The following SOX6 variants were observed in gnomAD, a reference collection of about 807,000 sequenced individuals.
SOX6 encodes transcription factor SOX-6.
Under a neutral mutation model 97.8 loss-of-function variants are expected in SOX6, and 11 were observed. That is an observed-to-expected ratio of 0.11 (90% confidence interval 0.07 to 0.19). SOX6 has a LOEUF of 0.19. Ranked by LOEUF, SOX6 falls within the 10% of genes least tolerant of loss-of-function variation. The pLI is 1.00. For missense variants in SOX6, 810 were observed against 1,039.5 expected (o/e 0.78, Z 3.04); for synonymous variants, 360 against 371.4 (o/e 0.97, Z 0.35).
chr11:16,337,126 G>C (rs1485949733), intron 2 of SOX6, among the ~76,000 whole-genome samples: 1 of 151,936 alleles, frequency 6.6e-6, no homozygotes, highest in African/African-American at 2.4e-5. Flanking sequence ...CTTGTGCCTG[G>C]AACTTTAGTA....
At chr11:16,705,613 CAAAATCCCACCTCTAGGGGGAAAAA>C (rs558980990) in intron 3 of SOX6, among the ~76,000 whole-genome samples, 41 of 150,420 alleles carry the variant, frequency 2.7e-4, no homozygotes, top group African/African-American at 9.9e-4. Context: ...GACAACAGAG[CAAAATCCCACCTCTAGGGGGAAAAA>C]AAACTATGTT....
chr11:16,571,967 T>C (rs1256343062), intron 4 of SOX6, among the ~76,000 whole-genome samples: 1 of 152,254 alleles, frequency 6.6e-6, no homozygotes, highest in South Asian at 2.1e-4. Flanking sequence ...ATTCAGTTTT[T>C]TTAAACAACT....
intron 4 of SOX6, among the ~76,000 whole-genome samples, chr11:16,574,499 G>A (rs1267354313): frequency 1.3e-5 from 2 of 151,988 alleles, no homozygotes; most frequent in African/African-American, 4.8e-5. Flanking sequence ...TGTATTCAAG[G>A]TCAATTGAAA....
At chr11:16,427,768 T>C (rs900284415) in intron 1 of SOX6, among the ~76,000 whole-genome samples, 15 of 152,222 alleles carry the variant, frequency 9.9e-5, no homozygotes, top group African/African-American at 3.1e-4. Context: ...TTTGCTATTG[T>C]GAATAGTGCC....
chr11:16,259,985 A>G (rs1853830486), intron 3 of SOX6, among the ~76,000 whole-genome samples: 1 of 134,088 alleles, frequency 7.5e-6, no homozygotes, highest in Non-Finnish European at 1.6e-5. Context: ...ATATATACAC[A>G]TATACATATA....
At chr11:16,154,079 G>A (rs535368718) in intron 6 of SOX6, among the ~76,000 whole-genome samples, 23 of 152,192 alleles carry the variant, frequency 1.5e-4, no homozygotes, top group African/African-American at 5.3e-4. Context: ...TCATTACAGT[G>A]GCTGGATACC....
chr11:16,328,158 G>A (rs1236218947), intron 2 of SOX6, among the ~76,000 whole-genome samples: 1 of 152,014 alleles, frequency 6.6e-6, no homozygotes, highest in East Asian at 1.9e-4. Flanking sequence ...ACAAACTTCT[G>A]CTTCTTTAGA....
chr11:16,390,674 C>G (rs1858146102), intron 1 of SOX6, among the ~76,000 whole-genome samples: 1 of 152,148 alleles, frequency 6.6e-6, no homozygotes, highest in Non-Finnish European at 1.5e-5. Context: ...CCATGAAAAC[C>G]TTCCCTGACT....
intron 3 of SOX6, chr11:16,316,921 A>G (rs1221891465): frequency 6.6e-6 from 1 of 151,948 alleles, no homozygotes; most frequent in East Asian, 1.9e-4. Context: ...TCTCAGCAAC[A>G]CCTCCAGAAC....
intron 12 of SOX6, among the ~76,000 whole-genome samples, chr11:16,036,851 A>G (rs554274659): frequency 6.6e-6 from 1 of 152,324 alleles, no homozygotes; most frequent in East Asian, 1.9e-4. Flanking sequence ...ATCTAAAAAT[A>G]AGAACTTAGA....
chr11:16,663,955 C>CAGT lies in SOX6; in HGVS notation n.429+50872_429+50874dup, dbSNP rs539370910. ...TATTGACTTAAGATCAATATAGAGT[C>CAGT]AGTAGATGGAGCAAAATGGGTGAAT... On this transcript the variant is annotated intron_variant and non_coding_transcript_variant, in intron 3 of 5. Transcript: ENST00000524520. Among the ~76,000 whole-genome samples the CAGT allele has an allele frequency of 9.7e-4, 148 of 152,028 alleles. 1 individual carries two copies. Among genetic ancestry groups the CAGT allele is most frequent in the Non-Finnish European group, 1.3e-3 (91 of 68,002 alleles).
At position 16,173,241 on chromosome 11, in the gene SOX6, T is replaced by C. The variant is rs1263412365; in HGVS notation, c.777+10645A>G. 2.0e-5 allele frequency among the ~76,000 whole-genome samples: 3 copies of C among 151,938 alleles called. No homozygotes were observed. In the East Asian group the frequency reaches 5.8e-4, roughly 29 times the overall value. ...TTTCTGATTTAGTTCCAATGTGGAT[T>C]GTTAGGTCCACTGGTCTTTGAGAGG... is the stretch of plus-strand genomic sequence containing the variant. On this transcript the variant is annotated intron_variant, in intron 6 of 15. Transcript: ENST00000683767.
At chr11:16,376,938 GAA>G (rs1185367418) in intron 1 of SOX6, among the ~76,000 whole-genome samples, 1 of 149,300 alleles carries the variant, frequency 6.7e-6, no homozygotes, top group Non-Finnish European at 1.5e-5. Context: ...GAAGGAAAAA[GAA>G]AATAAAAAAA....
chr11:16,661,719 T>C, intron 3 of SOX6, among the ~76,000 whole-genome samples: 1 of 152,104 alleles, frequency 6.6e-6, no homozygotes, highest in East Asian at 1.9e-4. Flanking sequence ...AGCTAATTTT[T>C]TTTACTTTGT....
intron 3 of SOX6, among the ~76,000 whole-genome samples, chr11:16,258,736 A>G (rs1235910391): frequency 1.3e-5 from 2 of 152,044 alleles, no homozygotes; most frequent in East Asian, 3.9e-4. Context: ...TGATGTCAAC[A>G]TAAGTTTATC....
At chr11:16,693,140 T>C (rs1018518992) in intron 3 of SOX6, among the ~76,000 whole-genome samples, 4 of 152,298 alleles carry the variant, frequency 2.6e-5, no homozygotes, top group African/African-American at 9.6e-5. Context: ...CTAGGTCAAA[T>C]AGTAAACAAT....
chr11:16,636,620 A>G (rs1848794397), intron 3 of SOX6, among the ~76,000 whole-genome samples: 1 of 152,124 alleles, frequency 6.6e-6, no homozygotes, highest in Non-Finnish European at 1.5e-5. Context: ...GCCCGGGGCA[A>G]AATGATATGG....
At position 16,429,688 on chromosome 11, in the gene SOX6, TAGA is replaced by T. The variant is rs1386953924; in HGVS notation, c.-5+46624_-5+46626del. Among the ~76,000 whole-genome samples the T allele has an allele frequency of 2.0e-5, 3 of 151,908 alleles. No individual in the cohort carries two copies. The South Asian group carries it at 6.3e-4, about 32-fold the overall frequency. ...CTGGGGCCTATCAGAGGGTGGAGGG[TAGA>T]AGAAGGGAGAGGATCAGGAAAAATA... On this transcript the variant is annotated intron_variant, in intron 1 of 15. Coordinates refer to the SOX6 transcript ENST00000396356.
At chr11:16,583,606 T>TATATAC (rs1554976084) in intron 4 of SOX6, among the ~76,000 whole-genome samples, 1 of 80,552 alleles carries the variant, frequency 1.2e-5, no homozygotes, top group Non-Finnish European at 2.5e-5. Flanking sequence ...TATATGTGTA[T>TATATAC]ATATATACAT....
Sources: gnomAD v4.1 joint callset for allele counts (sites outside exome capture counted in the v4.1 genomes callset) on GRCh38, gnomAD v4.1.1 for gene constraint, MANE v1.5 for transcripts, NCBI Gene and HGNC (gene_info 2026-07-23, HGNC 2026-07-21) for gene names.